MRE11: variants seen among roughly 807,000 people sequenced by gnomAD.
MRE11 encodes the protein double-strand break repair protein MRE11.
In MRE11, 62 loss-of-function variants were observed where a neutral mutation model predicts 91.7. That is an observed-to-expected ratio of 0.68 (90% CI 0.55 to 0.84). MRE11 has a LOEUF of 0.84. MRE11 is among the 40% of genes least tolerant of loss of function. The pLI is 0.00. For synonymous variants in MRE11, 273 were observed against 271.4 expected (o/e 1.01, Z -0.06); for missense variants, 796 against 852.9 (o/e 0.93, Z 0.83).
chr11:94,506,447 T>C, the MRE11 span, among the ~76,000 whole-genome samples: 1 of 151,618 alleles, frequency 6.6e-6, no homozygotes. Flanking sequence ...CATGTAACAA[T>C]TGGAAACAAA....
At position 94,437,807 on chromosome 11, in the gene MRE11, C is replaced by G. The variant is rs13447712; in HGVS notation, c.1868-572G>C. ...GAAGTTTAGCTAGCTCTTTATCTTT[C>G]CCTTTCTTTTTCCTTGACATCGAAA... is the stretch of plus-strand genomic sequence containing the variant. On this transcript the variant is annotated intron_variant, in intron 16 of 19. Transcript: ENST00000323929. 2.3e-3 allele frequency among the ~76,000 whole-genome samples: 348 copies of G among 152,200 alleles called. 3 individuals carry two copies. The highest frequency in any genetic ancestry group is 7.5e-3 in the African/African-American group (313 of 41,544).
chr11:94,466,728 A>G (rs1946574387), intron 10 of MRE11: 1 of 196,652 alleles, frequency 5.1e-6, no homozygotes, highest in Non-Finnish European at 1.1e-5. Context: ...GAACATATAC[A>G]TTTCTTGGAG....
intron 19 of MRE11, among the ~76,000 whole-genome samples, chr11:94,428,884 AC>A (rs1225079738): frequency 6.6e-6 from 1 of 152,102 alleles, no homozygotes; most frequent in East Asian, 1.9e-4. Flanking sequence ...GAGAAAAGAA[AC>A]TATCAACAGA....
At chr11:94,468,348 T>C (rs895642685) in intron 9 of MRE11, among the ~76,000 whole-genome samples, 3 of 152,166 alleles carry the variant, frequency 2.0e-5, no homozygotes, top group Non-Finnish European at 2.9e-5. Flanking sequence ...AGTTGTCTCA[T>C]ACTCTGAGAG....
At chr11:94,496,659 T>G, upstream of MRE11, 1 of 1,512,922 alleles carries the variant, frequency 6.6e-7, no homozygotes, top group Non-Finnish European at 8.8e-7. Context: ...TATCCTGGCA[T>G]TTGAAATGCT....
intron 19 of MRE11, among the ~76,000 whole-genome samples, chr11:94,424,602 T>G (rs896636886): frequency 5.3e-5 from 8 of 151,970 alleles, no homozygotes; most frequent in African/African-American, 1.7e-4. Context: ...ATCCAATGAA[T>G]CCAGTAAAAC....
At chr11:94,422,785 C>T (rs1945208039) in intron 19 of MRE11, among the ~76,000 whole-genome samples, 1 of 152,000 alleles carries the variant, frequency 6.6e-6, no homozygotes, top group African/African-American at 2.4e-5. Flanking sequence ...GCAATCTTGG[C>T]TCACTGCAAC....
At chr11:94,481,121 C>G (rs534586791) in intron 4 of MRE11, among the ~76,000 whole-genome samples, 213 of 152,192 alleles carry the variant, frequency 1.4e-3, no homozygotes, top group African/African-American at 4.9e-3. Context: ...TGAGCCTGGC[C>G]AACATGGTGA....
At chr11:94,437,700 G>A (rs1006149083) in intron 16 of MRE11, among the ~76,000 whole-genome samples, 9 of 152,152 alleles carry the variant, frequency 5.9e-5, no homozygotes, top group Non-Finnish European at 1.2e-4. Context: ...TATTCCAGAG[G>A]AGAATTCTAG....
intron 12 of MRE11, among the ~76,000 whole-genome samples, chr11:94,459,810 A>C (rs1366991088): frequency 6.6e-6 from 1 of 152,202 alleles, no homozygotes; most frequent in Non-Finnish European, 1.5e-5. Context: ...TATGGAGTCC[A>C]AAAATGGCAG....
chr11:94,473,004 G>C (rs1358330310), intron 7 of MRE11: 2 of 152,056 alleles, frequency 1.3e-5, no homozygotes, highest in African/African-American at 4.8e-5. Flanking sequence ...TACATACACA[G>C]GGTAGTCAGG....
rs13447732 is a variant in MRE11 at position 94,421,560 on chromosome 11, G to C, written c.2071-1379C>G. 7.9e-3 allele frequency among the ~76,000 whole-genome samples: 1,204 copies of C among 152,258 alleles called. 17 individuals carry two copies. The highest frequency in any genetic ancestry group is 0.028 in the African/African-American group (1,150 of 41,554). On this transcript the variant is annotated intron_variant, in intron 19 of 19. Transcript: ENST00000323929. ...ACCGCATATATATCCAGATGTTTTG[G>C]AATAAACAATAATTGCTCACTTCCC... is the stretch of plus-strand genomic sequence containing the variant.
chr11:94,435,589 G>T (rs1038049920), intron 18 of MRE11, among the ~76,000 whole-genome samples: 3 of 151,894 alleles, frequency 2.0e-5, no homozygotes, highest in African/African-American at 7.3e-5. Flanking sequence ...AGAAAGAAAA[G>T]CACTAATAAA....
chr11:94,474,424 T>C (rs1390860440), intron 7 of MRE11, among the ~76,000 whole-genome samples: 3 of 150,492 alleles, frequency 2.0e-5, no homozygotes, highest in Non-Finnish European at 4.4e-5. Context: ...TAGTACTGGA[T>C]CTTCAAGTCC....
At chr11:94,462,681 A>G (rs911590112) in intron 11 of MRE11, among the ~76,000 whole-genome samples, 1 of 152,252 alleles carries the variant, frequency 6.6e-6, no homozygotes, top group Non-Finnish European at 1.5e-5. Flanking sequence ...CAATGGGGAA[A>G]GGATTCCCTA....
chr11:94,442,264 G>A (rs1945802502), intron 16 of MRE11, among the ~76,000 whole-genome samples: 1 of 152,090 alleles, frequency 6.6e-6, no homozygotes, highest in Admixed American at 6.6e-5. Context: ...TCATCACAGT[G>A]AAACTGCAGA....
intron 7 of MRE11, 35 bp downstream of exon 7, chr11:94,476,254 C>T (rs772176473): frequency 7.2e-7 from 1 of 1,384,866 alleles, no homozygotes; most frequent in Admixed American, 1.7e-5. Flanking sequence ...GAAGCCTCAG[C>T]ACTTGGCTCA....
the MRE11 span, among the ~76,000 whole-genome samples, chr11:94,511,461 G>C: frequency 6.6e-6 from 1 of 152,132 alleles, no homozygotes; most frequent in Non-Finnish European, 1.5e-5. Flanking sequence ...TCATAGTAAT[G>C]TAAACAAATA....
At chr11:94,447,657 C>T (rs950915390) in intron 14 of MRE11, among the ~76,000 whole-genome samples, 8 of 133,676 alleles carry the variant, frequency 6.0e-5, no homozygotes, top group East Asian at 2.1e-4. Flanking sequence ...AGCGAAACCC[C>T]GTCTCTACAA....
Sources: allele counts gnomAD v4.1 joint callset (sites outside exome capture counted in the v4.1 genomes callset), GRCh38; gene constraint gnomAD v4.1.1; transcripts MANE v1.5; gene names NCBI Gene and HGNC (gene_info 2026-07-23, HGNC 2026-07-21).